Variants in ABLIM2 observed in about 807,000 individuals in gnomAD.
ABLIM2 encodes actin binding LIM protein family member 2.
Under a neutral mutation model 97.7 loss-of-function variants are expected in ABLIM2, and 53 were observed. The ratio of observed to expected loss-of-function variants is 0.54; its 90% confidence interval spans 0.44 to 0.68. ABLIM2 has a LOEUF of 0.68. ABLIM2 is among the 30% of genes least tolerant of loss of function. ABLIM2 has a pLI of 0.00. For missense variants in ABLIM2, 835 were observed against 867.2 expected, an observed-to-expected ratio of 0.96 and a Z score of 0.47; for synonymous variants, 361 against 345.8, an observed-to-expected ratio of 1.04 and a Z score of -0.49.
Position 8,123,976 on chromosome 4 carries a change from AAAG to A in ABLIM2, c.11-17342_11-17340del, listed in dbSNP as rs1300302683. Among the ~76,000 whole-genome samples, 1 of 152,212 alleles carries A rather than the reference AAAG, an allele frequency of 6.6e-6. No homozygotes were observed. The highest frequency in any genetic ancestry group is 1.5e-5 in the Non-Finnish European group (1 of 68,032). ...TGGCTAGAAACCCAAACAGTACATC[AAAG>A]ATGAAGGAAAATTTAAAATCCCCTG... On this transcript the variant is annotated intron_variant, in intron 1 of 20. Coordinates refer to ENST00000447017, the MANE Select transcript of ABLIM2 (RefSeq NM_001130083.2). The surrounding 1 kb of genome is among the most constrained non-coding windows in gnomAD (Gnocchi z 6.2).
chr4:8,009,841 A>G (rs1763776947), intron 14 of ABLIM2, among the ~76,000 whole-genome samples: 1 of 152,180 alleles, frequency 6.6e-6, no homozygotes, highest in African/African-American at 2.4e-5. Context: ...GAAGCTTTGC[A>G]CCATTTCACA....
intron 4 of ABLIM2, among the ~76,000 whole-genome samples, chr4:8,086,647 T>C (rs1359703381): frequency 6.6e-6 from 1 of 152,204 alleles, no homozygotes; most frequent in East Asian, 1.9e-4. Flanking sequence ...ACCCAGCCCA[T>C]GTTTCCCTTT....
In ABLIM2 at chr4:8,005,880, A is replaced by G. The variant is rs1278685672; in HGVS notation, c.1618+2179T>C. 1.3e-5 allele frequency among the ~76,000 whole-genome samples: 2 copies of G among 152,222 alleles called. No individual in the cohort carries two copies. The highest frequency in any genetic ancestry group is 2.9e-5 in the Non-Finnish European group (2 of 68,032). The stretch of plus-strand genomic sequence containing the variant: ...GGAAGGACACATATGTCTGTGCTGG[A>G]GCAGAATCTCCCCGGGGAATTCATG... On this transcript the variant is annotated intron_variant, in intron 16 of 20. Coordinates refer to ENST00000447017, the MANE Select transcript of ABLIM2 (RefSeq NM_001130083.2). The surrounding 1 kb of genome is among the most constrained non-coding windows in gnomAD (Gnocchi z 4.9).
In ABLIM2 at chr4:7,998,742, C is replaced by T. The variant is rs1426154107; in HGVS notation, c.1619-5815G>A. The stretch of plus-strand genomic sequence containing the variant: ...GCATGGGAGGCTGGGAGTCTGCTGG[C>T]CTGGGCCACCTCCTGCTGCTGGGTG... On this transcript the variant is annotated intron_variant, in intron 16 of 20. Transcript: ENST00000447017. The surrounding 1 kb of genome is among the most constrained non-coding windows in gnomAD (Gnocchi z 6.4). 4.3e-6 allele frequency: 2 copies of T among 469,238 alleles called. No individual in the cohort carries two copies. Among genetic ancestry groups the T allele is most frequent in the Admixed American group, 2.3e-5 (1 of 44,384 alleles). The allele number at this position is 469,238 out of a possible 1,614,324, so 29.1% of individuals were successfully genotyped here.
Position 7,966,720 on chromosome 4 carries a change from C to G in ABLIM2, c.*270G>C. The G allele has an allele frequency of 2.2e-6, 1 of 452,668 alleles. No individual in the cohort carries two copies. Among genetic ancestry groups the G allele is most frequent in the Non-Finnish European group, 4.0e-6 (1 of 250,916 alleles). The allele number at this position is 452,668 out of a possible 1,614,324, so 28.0% of individuals were successfully genotyped here. A position where few individuals can be genotyped will look rare whatever the true frequency, so the allele number is the denominator to read the frequency against. On this transcript the variant is annotated 3_prime_UTR_variant, in exon 21 of 21. Coordinates refer to ENST00000447017, the MANE Select transcript of ABLIM2 (RefSeq NM_001130083.2). ...GGCTGCAGCCACCTGTGTGCTCCAT[C>G]TGATGCCCGACACAGCCACTCTACA...
chr4:8,143,161 G>GGC (rs1851272248), intron 1 of ABLIM2, among the ~76,000 whole-genome samples: 1 of 139,804 alleles, frequency 7.2e-6, no homozygotes, highest in South Asian at 2.3e-4. Flanking sequence ...GGCGAGAGTG[G>GGC]GGGGGGGGGG....
intron 10 of ABLIM2, among the ~76,000 whole-genome samples, chr4:8,031,884 C>T (rs975634660): frequency 6.6e-5 from 10 of 152,102 alleles, no homozygotes; most frequent in African/African-American, 2.4e-4. Context: ...TCACCCATGC[C>T]TGGGTAATTT....
intron 2 of ABLIM2, among the ~76,000 whole-genome samples, chr4:8,101,258 T>C (rs979312715): frequency 6.6e-6 from 1 of 152,166 alleles, no homozygotes; most frequent in African/African-American, 2.4e-5. Flanking sequence ...CTTCTGTGAA[T>C]AACAGGGGGA....
At chr4:8,049,853 G>A (rs926690311) in intron 8 of ABLIM2, among the ~76,000 whole-genome samples, 1 of 152,172 alleles carries the variant, frequency 6.6e-6, no homozygotes, top group African/African-American at 2.4e-5. Flanking sequence ...TCAGCCACCT[G>A]AATAGATGAG....
intron 18 of ABLIM2, among the ~76,000 whole-genome samples, chr4:7,984,516 C>T (rs1015759665): frequency 2.6e-5 from 4 of 152,236 alleles, no homozygotes; most frequent in East Asian, 3.8e-4. Flanking sequence ...TTTGGCCCAG[C>T]GCCGTCCCGC....
At chr4:7,980,941 A>ATTTTTTTTATTTTTTTT (rs1737691303) in intron 20 of ABLIM2, among the ~76,000 whole-genome samples, 1 of 82,988 alleles carries the variant, frequency 1.2e-5, no homozygotes, top group Non-Finnish European at 2.1e-5. Flanking sequence ...ACAACCCCTT[A>ATTTTTTTTATTTTTTTT]TTTTTTTTTT....
Position 8,120,668 on chromosome 4 carries a change from C to T in ABLIM2, c.11-14031G>A, listed in dbSNP as rs1845000861. On this transcript the variant is annotated intron_variant, in intron 1 of 20. Coordinates refer to ENST00000447017, the MANE Select transcript of ABLIM2 (RefSeq NM_001130083.2). The surrounding 1 kb of genome is among the most constrained non-coding windows in gnomAD (Gnocchi z 5.6). ...CCATCTGTGTGCTCTGTCGTGGGAGCATGGGAAACCAGCAGGAGCACTTCT... is the reference window on the plus strand; with the variant it reads ...CCATCTGTGTGCTCTGTCGTGGGAGTATGGGAAACCAGCAGGAGCACTTCT... Among the ~76,000 whole-genome samples the T allele has an allele frequency of 1.3e-5, 2 of 152,182 alleles. No individual in the cohort carries two copies. The highest frequency in any genetic ancestry group is 2.4e-5 in the African/African-American group (1 of 41,444).
At chr4:8,035,590 G>A (rs1304648065) in intron 10 of ABLIM2, among the ~76,000 whole-genome samples, 1 of 152,194 alleles carries the variant, frequency 6.6e-6, no homozygotes, top group Non-Finnish European at 1.5e-5. Flanking sequence ...AACCAACAAG[G>A]CATTCCACGG....
rs1773597479 is a variant in ABLIM2 at position 8,021,392 on chromosome 4, T to A, written c.1268-1089A>T. On this transcript the variant is annotated intron_variant, in intron 12 of 20. Coordinates refer to ENST00000447017, the MANE Select transcript of ABLIM2 (RefSeq NM_001130083.2). The surrounding 1 kb of genome is among the most constrained non-coding windows in gnomAD (Gnocchi z 5.5). The stretch of plus-strand genomic sequence containing the variant: ...TGAATGCTTGTGATGAGAGAAGGTG[T>A]ACGCTCCCTGCAGAAGACACTCCCA... Among the ~76,000 whole-genome samples the A allele has an allele frequency of 6.6e-6, 1 of 152,020 alleles. No individual in the cohort carries two copies. Among genetic ancestry groups the A allele is most frequent in the South Asian group, 2.1e-4 (1 of 4,814 alleles).
At chr4:8,117,916 G>C (rs1333008830) in intron 1 of ABLIM2, among the ~76,000 whole-genome samples, 1 of 152,230 alleles carries the variant, frequency 6.6e-6, no homozygotes, top group African/African-American at 2.4e-5. Flanking sequence ...CAACTGTAAA[G>C]CTCAGGACAG....
At position 8,060,641 on chromosome 4, in the gene ABLIM2, C is replaced by T. The variant is rs114248365; in HGVS notation, c.763+326G>A. On this transcript the variant is annotated intron_variant, in intron 7 of 20. Coordinates refer to ENST00000447017, the MANE Select transcript of ABLIM2 (RefSeq NM_001130083.2). ...GCTTTCTAGAAGGGGCCTAAAGTGG[C>T]GACGGATGTGATCAGGCCGTATTTG... is the stretch of plus-strand genomic sequence containing the variant. Among the ~76,000 whole-genome samples the T allele has an allele frequency of 6.4e-3, 975 of 152,262 alleles. 14 individuals carry two copies. The highest frequency in any genetic ancestry group is 0.022 in the African/African-American group (915 of 41,552).
intron 10 of ABLIM2, among the ~76,000 whole-genome samples, chr4:8,030,723 G>A (rs978645839): frequency 5.3e-5 from 8 of 152,224 alleles, no homozygotes; most frequent in Admixed American, 3.3e-4. Context: ...TCTCTACCCC[G>A]GGCGTCCTCT....
In ABLIM2 at chr4:8,128,656, A is replaced by G. The variant is rs1848870664; in HGVS notation, c.11-22019T>C. ...TGAAGTCATTGTCTAGCCCAAGGCC[A>G]CTGCCGTGGATTGAATGTGGTGTCC... On this transcript the variant is annotated intron_variant, in intron 1 of 20. Coordinates refer to ENST00000447017, the MANE Select transcript of ABLIM2 (RefSeq NM_001130083.2). This position sits in a 1 kb window ranked among gnomAD's most constrained non-coding sequence, Gnocchi z 4.9. Among the ~76,000 whole-genome samples the G allele has an allele frequency of 6.6e-6, 1 of 152,184 alleles. No homozygotes were observed. Among genetic ancestry groups the G allele is most frequent in the South Asian group, 2.1e-4 (1 of 4,822 alleles).
chr4:8,049,388 T>C (rs1366402798), intron 8 of ABLIM2, among the ~76,000 whole-genome samples: 1 of 152,210 alleles, frequency 6.6e-6, no homozygotes, highest in Non-Finnish European at 1.5e-5. Flanking sequence ...TGACATGCTG[T>C]CTGTAAACCA....
Sources: allele counts gnomAD v4.1 joint callset (sites outside exome capture counted in the v4.1 genomes callset), GRCh38; gene constraint gnomAD v4.1.1; non-coding constraint Gnocchi (gnomAD v3.1); transcripts MANE v1.5; gene names NCBI Gene and HGNC (gene_info 2026-07-23, HGNC 2026-07-21).